The following AVL9 variants were observed in gnomAD, a reference collection of about 807,000 sequenced individuals.
AVL9 encodes the protein late secretory pathway protein AVL9 homolog.
A neutral mutation model predicts 79.2 loss-of-function variants in AVL9; 49 were observed. The ratio of observed to expected loss-of-function variants is 0.62; its 90% CI spans 0.49 to 0.79. The LOEUF (loss-of-function observed/expected upper bound fraction) is 0.79, where lower values mean the gene tolerates loss of function less well. AVL9 is among the 30% of genes least tolerant of loss of function. The pLI, the probability that AVL9 is intolerant of heterozygous loss-of-function variation, is 0.00. For synonymous variants in AVL9, 299 were observed against 280.6 expected (o/e 1.07, Z -0.65); for missense variants, 682 against 776.8 (o/e 0.88, Z 1.45).
At position 32,495,866 on chromosome 7, in the gene AVL9, G is replaced by C; in HGVS notation, c.93+64G>C. The C allele has an allele frequency of 4.6e-6, 5 of 1,090,230 alleles. No individual in the cohort carries two copies. In the South Asian group the frequency reaches 1.3e-4, roughly 28 times the overall value. 67.5% of individuals were successfully genotyped at this position (1,090,230 alleles called of 1,614,324 possible). A position where few individuals can be genotyped will look rare whatever the true frequency, so the allele number is the denominator to read the frequency against. On this transcript the variant is annotated intron_variant, in intron 1 of 15. Coordinates refer to ENST00000318709, the MANE Select transcript of AVL9 (RefSeq NM_015060.3). ...CGTTCGCCCCTTCCGGGGCCCCCCTGCCCTGCTTCTGTGTGCTCAGCTCGC... is the reference window on the plus strand; with the variant it reads ...CGTTCGCCCCTTCCGGGGCCCCCCTCCCCTGCTTCTGTGTGCTCAGCTCGC...
At chr7:32,512,401 T>TC (rs56070684) in intron 1 of AVL9, among the ~76,000 whole-genome samples, 55,065 of 151,996 alleles carry the variant, frequency 0.36, 10,519 homozygotes, top group African/African-American at 0.47. Flanking sequence ...GATGTTACGT[T>TC]ATTTTATCGA....
chr7:32,565,696 T>C (rs1790532687), intron 10 of AVL9, among the ~76,000 whole-genome samples: 2 of 151,890 alleles, frequency 1.3e-5, no homozygotes, highest in South Asian at 2.1e-4. Context: ...AGACCTCAGC[T>C]CTACTAAGTA....
chr7:32,521,925 GT>G (rs1441758267), intron 1 of AVL9, among the ~76,000 whole-genome samples: 2 of 152,220 alleles, frequency 1.3e-5, no homozygotes, highest in African/African-American at 4.8e-5. Context: ...TACAGCTCAG[GT>G]TGTGGCCTCA....
chr7:32,561,451 TC>T (rs1195951181), intron 10 of AVL9, among the ~76,000 whole-genome samples: 2 of 151,732 alleles, frequency 1.3e-5, no homozygotes, highest in Non-Finnish European at 2.9e-5. Flanking sequence ...GCTTCATACT[TC>T]TGCATCTTCT....
chr7:32,569,011 A>AC (rs1790706577), intron 10 of AVL9, among the ~76,000 whole-genome samples: 1 of 152,190 alleles, frequency 6.6e-6, no homozygotes, highest in South Asian at 2.1e-4. Flanking sequence ...TAAGTATTTA[A>AC]CAACCACCTG....
At chr7:32,553,875 A>G in intron 7 of AVL9, 108 bp downstream of exon 7, 1 of 718,850 alleles carries the variant, frequency 1.4e-6, no homozygotes, top group South Asian at 2.0e-5. Context: ...AATTGAATGC[A>G]GATTGTGGCA....
rs958005858 is a variant in AVL9 at position 32,539,249 on chromosome 7, C to CA, written c.94-3883dup. 2.3e-4 allele frequency: 34 copies of CA among 150,174 alleles called. 1 individual carries two copies. The highest frequency in any genetic ancestry group is 6.3e-4 in the South Asian group (3 of 4,752). 9.3% of individuals were successfully genotyped at this position (150,174 alleles called of 1,614,324 possible). On this transcript the variant is annotated intron_variant, in intron 1 of 15. Transcript: ENST00000318709. ...CTGGGCAACGAGCGAAACTCCATCTCAAAAAAAAAGAAAAGGAAAAGAAAA... is the reference window on the plus strand; with the variant it reads ...CTGGGCAACGAGCGAAACTCCATCTCAAAAAAAAAAGAAAAGGAAAAGAAAA...
chr7:32,555,281 T>G (rs1406102765), intron 8 of AVL9, among the ~76,000 whole-genome samples: 1 of 152,162 alleles, frequency 6.6e-6, no homozygotes, highest in Non-Finnish European at 1.5e-5. Flanking sequence ...AGGTAGAGAT[T>G]ACAGTGAGCT....
chr7:32,519,562 A>T (rs529294381), intron 1 of AVL9, among the ~76,000 whole-genome samples: 4 of 152,250 alleles, frequency 2.6e-5, no homozygotes, highest in African/African-American at 7.2e-5. Flanking sequence ...ATTCTCTGCA[A>T]TAGTTTAAAA....
chr7:32,538,059 A>G (rs1474042780), intron 1 of AVL9: 1 of 152,218 alleles, frequency 6.6e-6, no homozygotes, highest in Non-Finnish European at 1.5e-5. Flanking sequence ...CCACACTTCT[A>G]TTTATGACAG....
chr7:32,517,665 A>G (rs994011433), intron 1 of AVL9, among the ~76,000 whole-genome samples: 1 of 152,136 alleles, frequency 6.6e-6, no homozygotes, highest in Non-Finnish European at 1.5e-5. Context: ...AAATGTCTTA[A>G]GAATTGTCAG....
At chr7:32,510,472 G>T (rs1209447258) in intron 1 of AVL9, among the ~76,000 whole-genome samples, 1 of 146,070 alleles carries the variant, frequency 6.8e-6, no homozygotes, top group Non-Finnish European at 1.5e-5. Flanking sequence ...CATCTCTCCA[G>T]GGTGAGATTC....
chr7:32,499,573 A>G (rs1787024038), intron 1 of AVL9, among the ~76,000 whole-genome samples: 2 of 83,400 alleles, frequency 2.4e-5, no homozygotes, highest in South Asian at 6.6e-4. Context: ...AAAAGGCAGA[A>G]TAACAATTTT....
intron 1 of AVL9, among the ~76,000 whole-genome samples, chr7:32,510,008 C>T (rs979844005): frequency 1.3e-5 from 2 of 152,200 alleles, no homozygotes; most frequent in South Asian, 4.1e-4. Context: ...GTTGGTTTAC[C>T]ATCTTACATT....
chr7:32,575,088 T>TC (rs1791028330), intron 12 of AVL9, among the ~76,000 whole-genome samples: 2 of 117,272 alleles, frequency 1.7e-5, no homozygotes, highest in Non-Finnish European at 3.7e-5. Context: ...TTTTAAGACT[T>TC]TTTTTGTTTT....
chr7:32,522,087 G>T (rs1314244663), intron 1 of AVL9, among the ~76,000 whole-genome samples: 5 of 152,194 alleles, frequency 3.3e-5, no homozygotes, highest in African/African-American at 1.2e-4. Context: ...CTATGGGGTG[G>T]GGCCCTCATA....
intron 1 of AVL9, chr7:32,532,555 A>C (rs984976229): frequency 6.6e-6 from 1 of 152,216 alleles, no homozygotes; most frequent in African/African-American, 2.4e-5. Flanking sequence ...TTCTCATAAT[A>C]ACAATTTCTA....
intron 12 of AVL9, among the ~76,000 whole-genome samples, chr7:32,573,879 A>G (rs377029010): frequency 1.3e-5 from 2 of 152,246 alleles, no homozygotes; most frequent in African/African-American, 4.8e-5. Context: ...AAATGATTAA[A>G]TCTTCAAATT....
chr7:32,507,176 C>G (rs1370425875), intron 1 of AVL9, among the ~76,000 whole-genome samples: 1 of 151,972 alleles, frequency 6.6e-6, no homozygotes, highest in Non-Finnish European at 1.5e-5. Flanking sequence ...ATATCCTTGT[C>G]CCTCCCACCC....
Sources: gnomAD v4.1 joint callset for allele counts (sites outside exome capture counted in the v4.1 genomes callset) on GRCh38, gnomAD v4.1.1 for gene constraint, MANE v1.5 for transcripts, NCBI Gene and HGNC (gene_info 2026-07-23, HGNC 2026-07-21) for gene names.